PPP4R3B: variants seen among roughly 807,000 people sequenced by gnomAD.
The protein encoded by PPP4R3B is serine/threonine-protein phosphatase 4 regulatory subunit 3B.
In PPP4R3B, 52 loss-of-function variants were observed where a neutral mutation model predicts 95.4. The observed-to-expected ratio is 0.54, with a 90% CI of 0.44 to 0.69. The LOEUF (loss-of-function observed/expected upper bound fraction) is 0.69, where lower values mean the gene tolerates loss of function less well. Among genes scored for constraint, PPP4R3B ranks in the 30% least tolerant of loss-of-function variants. PPP4R3B has a pLI of 0.00. For missense variants in PPP4R3B, 1,003 were observed against 1,005.9 expected (o/e 1.00, Z 0.04); for synonymous variants, 407 against 343.9 (o/e 1.18, Z -2.03).
Position 55,564,919 on chromosome 2 carries a change from T to C in PPP4R3B, c.2058A>G (p.Gln686=), listed in dbSNP as rs753193987. Residue 686 remains glutamine (Q), a synonymous_variant, in exon 14 of 17, where the codon CAA becomes CAG. Transcript: ENST00000616407. ...KTKYEQEKDR[Q]NQKLNSVPSI... ...AACAATACCTGTTCAGTTTCTGATT[T>C]TGTCTGTCTTTTTCTTGCTCATATT... 1.3e-5 allele frequency: 21 copies of C among 1,610,788 alleles called. No individual in the cohort carries two copies. In the South Asian group the frequency reaches 1.7e-4, roughly 13 times the overall value.
chr2:55,556,967 G>A (rs759785382), intron 16 of PPP4R3B, among the ~76,000 whole-genome samples: 1 of 152,224 alleles, frequency 6.6e-6, no homozygotes, highest in Non-Finnish European at 1.5e-5. Context: ...GGAGGCTGAG[G>A]TGGGAGGATC....
chr2:55,585,723 AC>A (rs1258569581), intron 6 of PPP4R3B, among the ~76,000 whole-genome samples: 1 of 152,206 alleles, frequency 6.6e-6, no homozygotes, highest in Non-Finnish European at 1.5e-5. Context: ...CATGAAGAGT[AC>A]ATGACTTATA....
At chr2:55,562,870 T>C (rs566458460) in intron 15 of PPP4R3B, among the ~76,000 whole-genome samples, 1 of 152,314 alleles carries the variant, frequency 6.6e-6, no homozygotes, top group Admixed American at 6.5e-5. Context: ...TCTTTACTCA[T>C]GGTAAAAACC....
At chr2:55,617,120 AT>A in intron 1 of PPP4R3B, 23 bp downstream of exon 1, 2 of 1,599,242 alleles carry the variant, frequency 1.3e-6, no homozygotes, top group Non-Finnish European at 1.7e-6. Context: ...ACTATCCCCT[AT>A]TCTACAGTTC....
At chr2:55,577,146 T>C (rs1688792353) in intron 11 of PPP4R3B, among the ~76,000 whole-genome samples, 169 bp downstream of exon 11, 2 of 152,152 alleles carry the variant, frequency 1.3e-5, no homozygotes, top group African/African-American at 4.8e-5. Context: ...TTCCAACTCG[T>C]TTTCTATTTT....
chr2:55,579,675 C>T lies in PPP4R3B; in HGVS notation c.1468+4G>A, dbSNP rs765038622. The T allele has an allele frequency of 6.3e-7, 1 of 1,576,804 alleles. No homozygotes were observed. Among genetic ancestry groups the T allele is most frequent in the South Asian group, 1.2e-5 (1 of 84,856 alleles). ...ATCACAGCAGATAAATAAAGAGACC[C>T]TACCCTTTTCACATTTGTCTTCTGA... On this transcript the variant is annotated splice_donor_region_variant and intron_variant, in intron 9 of 16. Coordinates refer to ENST00000616407, the MANE Select transcript of PPP4R3B (RefSeq NM_001122964.3).
At chr2:55,588,511 C>A (rs1197098591) in intron 5 of PPP4R3B, among the ~76,000 whole-genome samples, 1 of 140,234 alleles carries the variant, frequency 7.1e-6, no homozygotes, top group African/African-American at 2.6e-5. Context: ...GAAACTCCAT[C>A]TCAGAAAAAA....
chr2:55,571,111 C>G (rs1687941466), intron 12 of PPP4R3B, among the ~76,000 whole-genome samples: 1 of 152,122 alleles, frequency 6.6e-6, no homozygotes. Flanking sequence ...GAGTTTGAGA[C>G]CAGCCTGGCC....
In PPP4R3B at chr2:55,579,665, TAA is replaced by T; in HGVS notation, c.1468+12_1468+13del. 2 of 1,517,470 alleles carry T rather than the reference TAA, an allele frequency of 1.3e-6. No individual in the cohort carries two copies. Among genetic ancestry groups the T allele is most frequent in the Middle Eastern group, 1.8e-4 (1 of 5,628 alleles). The allele number at this position is 1,517,470 out of a possible 1,614,324, so 94.0% of individuals were successfully genotyped here. The stretch of plus-strand genomic sequence containing the variant: ...AAAAACAGAAATCACAGCAGATAAA[TAA>T]AGAGACCCTACCCTTTTCACATTTG... On this transcript the variant is annotated intron_variant, in intron 9 of 16. Transcript: ENST00000616407.
intron 2 of PPP4R3B, among the ~76,000 whole-genome samples, chr2:55,606,988 T>G (rs1266024620): frequency 6.6e-6 from 1 of 152,172 alleles, no homozygotes; most frequent in Non-Finnish European, 1.5e-5. Context: ...CTAGTTCATT[T>G]GTACTTATAT....
chr2:55,598,671 G>A lies in PPP4R3B; in HGVS notation c.666C>T (p.Val222=), dbSNP rs754222273. 28 of 1,614,136 alleles carry A rather than the reference G, an allele frequency of 1.7e-5. No individual in the cohort carries two copies. The highest frequency in any genetic ancestry group is 1.6e-4 in the Middle Eastern group (1 of 6,062). The change falls in exon 4 of 17, where the codon GTC becomes GTT. Residue 222 remains valine (V), a synonymous_variant. Transcript: ENST00000616407. ...VMFSDECIMD[V]VGCLEYDPAL... ...CAGGGTCATATTCAAGGCATCCCAC[G>A]ACATCCATGATACACTCATCAGAAA...
chr2:55,602,041 C>T (rs370632854), intron 3 of PPP4R3B, among the ~76,000 whole-genome samples: 36 of 152,246 alleles, frequency 2.4e-4, no homozygotes, highest in African/African-American at 8.2e-4. Flanking sequence ...CTGGATTTTG[C>T]TGACTATCAG....
intron 15 of PPP4R3B, among the ~76,000 whole-genome samples, chr2:55,561,723 C>G (rs1197840938): frequency 6.6e-6 from 1 of 152,238 alleles, no homozygotes; most frequent in African/African-American, 2.4e-5. Context: ...CCTGTAGCCC[C>G]TTTGTTTTGG....
intron 3 of PPP4R3B, among the ~76,000 whole-genome samples, chr2:55,602,960 CTT>C (rs886551268): frequency 6.7e-6 from 1 of 149,324 alleles, no homozygotes; most frequent in African/African-American, 2.5e-5. Context: ...GACGAATACT[CTT>C]TTTTTTTTTT....
intron 9 of PPP4R3B, among the ~76,000 whole-genome samples, chr2:55,579,104 A>G (rs771001990): frequency 6.6e-6 from 1 of 152,094 alleles, no homozygotes; most frequent in South Asian, 2.1e-4. Context: ...CCTTCAAAAA[A>G]TTTTTAGATT....
intron 16 of PPP4R3B, among the ~76,000 whole-genome samples, chr2:55,554,088 TTTGAGACATTGTCTTAGAGAC>T (rs1364271695): frequency 6.6e-6 from 1 of 152,226 alleles, no homozygotes; most frequent in Non-Finnish European, 1.5e-5. Context: ...ATATTTATTT[TTTGAGACATTGTCTTAGAGAC>T]TCGAAAGTGC....
chr2:55,552,770 C>A (rs1264778848), intron 16 of PPP4R3B, among the ~76,000 whole-genome samples: 1 of 151,962 alleles, frequency 6.6e-6, no homozygotes, highest in Non-Finnish European at 1.5e-5. Flanking sequence ...TGAATACCAG[C>A]AAAGAAAACA....
chr2:55,617,390 G>T lies in PPP4R3B; in HGVS notation c.-105C>A. 1 of 1,329,410 alleles carries T rather than the reference G, an allele frequency of 7.5e-7. No individual in the cohort carries two copies. The highest frequency in any genetic ancestry group is 9.8e-7 in the Non-Finnish European group (1 of 1,021,424). 82.4% of individuals were successfully genotyped at this position (1,329,410 alleles called of 1,614,324 possible). On this transcript the variant is annotated 5_prime_UTR_variant, in exon 1 of 17. Transcript: ENST00000616407. ...AGGCAGTAGTGGCGGTGGCGGCGGC[G>T]GCGGCTTCGGAGAGGCCCGAATTCA...
chr2:55,572,606 C>T (rs1285784374), intron 12 of PPP4R3B, among the ~76,000 whole-genome samples: 2 of 151,984 alleles, frequency 1.3e-5, no homozygotes, highest in Non-Finnish European at 2.9e-5. Context: ...TCAATTTTGG[C>T]GGAAGTAATC....
Sources: allele counts gnomAD v4.1 joint callset (sites outside exome capture counted in the v4.1 genomes callset), GRCh38; gene constraint gnomAD v4.1.1; transcripts MANE v1.5; gene names NCBI Gene and HGNC (gene_info 2026-07-23, HGNC 2026-07-21).